SEC62: variants seen among roughly 807,000 people sequenced by gnomAD.
SEC62 encodes SEC62 preprotein translocation factor, also known as translocation protein SEC62.
In SEC62, 10 loss-of-function variants were observed where a neutral mutation model predicts 47.5. That is an observed-to-expected ratio of 0.21 (90% confidence interval 0.13 to 0.36). The LOEUF (loss-of-function observed/expected upper bound fraction) is 0.36, where lower values mean the gene tolerates loss of function less well. SEC62 is among the 10% of genes least tolerant of loss of function. SEC62 has a pLI of 1.00. For synonymous variants in SEC62, 136 were observed against 150.5 expected (o/e 0.90, Z 0.71); for missense variants, 327 against 464.1 (o/e 0.70, Z 2.71).
chr3:169,989,471 A>G (rs1576864673), intron 7 of SEC62, among the ~76,000 whole-genome samples: 1 of 150,310 alleles, frequency 6.7e-6, no homozygotes, highest in African/African-American at 2.5e-5. Context: ...CCAAGAAACA[A>G]TATCTAAGCC....
rs555879575 is a variant in SEC62, at chr3:169,978,046, G to A, written c.251+995G>A. ...CGTAATCCCAGCACTTTGGGAGGCC[G>A]AGGCAGGTGGATCACAAGGTCAGGA... On this transcript the variant is annotated intron_variant, in intron 3 of 7. Transcript: ENST00000337002. Among the ~76,000 whole-genome samples, 32 of 152,266 alleles carry A rather than the reference G, an allele frequency of 2.1e-4. 2 individuals are homozygous for A. The highest frequency in any genetic ancestry group is 7.7e-4 in the African/African-American group (32 of 41,556).
At chr3:169,969,907 A>G (rs1344242776) in intron 1 of SEC62, among the ~76,000 whole-genome samples, 2 of 152,160 alleles carry the variant, frequency 1.3e-5, no homozygotes, top group African/African-American at 4.8e-5. Context: ...ACCCTCCATT[A>G]GTTATTTTTG....
intron 6 of SEC62, among the ~76,000 whole-genome samples, chr3:169,987,889 C>CTTA (rs1715145241): frequency 6.6e-6 from 1 of 152,082 alleles, no homozygotes; most frequent in South Asian, 2.1e-4. Flanking sequence ...TTTTAGCTCC[C>CTTA]TTACTTAGTA....
chr3:169,979,096 C>G (rs778384146), intron 3 of SEC62, among the ~76,000 whole-genome samples: 2 of 152,154 alleles, frequency 1.3e-5, no homozygotes, highest in Non-Finnish European at 2.9e-5. Flanking sequence ...GACCTGAGTA[C>G]AGAGAGTGTC....
intron 5 of SEC62, among the ~76,000 whole-genome samples, chr3:169,984,183 ACTAT>A (rs1715045699): frequency 6.6e-6 from 1 of 152,196 alleles, no homozygotes; most frequent in Admixed American, 6.5e-5. Context: ...CTTGCATGAG[ACTAT>A]CTAGAGTGGG....
intron 1 of SEC62, among the ~76,000 whole-genome samples, chr3:169,970,536 CTTA>C (rs761156748): frequency 9.2e-5 from 14 of 152,158 alleles, no homozygotes; most frequent in South Asian, 6.2e-4. Context: ...CAAACTCTAT[CTTA>C]TTATAGTATT....
chr3:169,996,639 A>G lies in SEC62; in HGVS notation c.*3576A>G, dbSNP rs907202549. On this transcript the variant is annotated 3_prime_UTR_variant, in exon 8 of 8. Transcript: ENST00000337002. ...TGGCCAAGGAGTGTCCTGGCCAGAG[A>G]TCAGAGGATGGTAGGGTGCCTATTC... The G allele has an allele frequency of 6.6e-6, 1 of 152,182 alleles. No homozygotes were observed. Among genetic ancestry groups the G allele is most frequent in the South Asian group, 2.1e-4 (1 of 4,822 alleles). 9.4% of individuals were successfully genotyped at this position (152,182 alleles called of 1,614,324 possible).
intron 1 of SEC62, chr3:169,969,460 T>C: frequency 4.9e-6 from 2 of 411,178 alleles, no homozygotes; most frequent in South Asian, 3.4e-5. Flanking sequence ...TGATTTACAA[T>C]CCTGGTATCA....
chr3:169,971,692 A>G (rs1022300970), intron 1 of SEC62, among the ~76,000 whole-genome samples: 1 of 152,326 alleles, frequency 6.6e-6, no homozygotes, highest in Admixed American at 6.5e-5. Flanking sequence ...TTGTGCATAC[A>G]TATCAGGTTC....
At chr3:169,970,957 T>G (rs1226779745) in intron 1 of SEC62, among the ~76,000 whole-genome samples, 1 of 152,156 alleles carries the variant, frequency 6.6e-6, no homozygotes, top group South Asian at 2.1e-4. Context: ...GGTAAAACTT[T>G]TATACCTTCT....
intron 1 of SEC62, among the ~76,000 whole-genome samples, chr3:169,971,611 A>G (rs1369125472): frequency 6.6e-6 from 1 of 152,214 alleles, no homozygotes; most frequent in South Asian, 2.1e-4. Flanking sequence ...GTGCCTTTAC[A>G]AAGGACAGGG....
rs2108289616 is a variant in SEC62 at position 169,992,674 on chromosome 3, G to A, written c.811G>A (p.Asp271Asn). The A allele has an allele frequency of 6.2e-7, 1 of 1,614,188 alleles. No homozygotes were observed. Among genetic ancestry groups the A allele is most frequent in the Non-Finnish European group, 8.5e-7 (1 of 1,180,030 alleles). The change falls in exon 8 of 8, where the codon GAT becomes AAT. Residue 271 changes from aspartate (D) to asparagine (N), a missense_variant. Asp to Asn is a conservative substitution (Grantham distance 23). Around this residue, in one of 3 missense-constraint regions of SEC62, gnomAD observed 99 missense variants for 194.0 expected, o/e 0.51. Coordinates refer to ENST00000337002, the MANE Select transcript of SEC62 (RefSeq NM_003262.4). The surrounding 1 kb of genome is among the most constrained non-coding windows in gnomAD (Gnocchi z 4.0). ...TTGGTTCTTGCCAAATCTGACTGCTGATGTGGGCTTCATTGACTCCTTCAG... is the reference window on the plus strand; with the variant it reads ...TTGGTTCTTGCCAAATCTGACTGCTAATGTGGGCTTCATTGACTCCTTCAG... ...HFWFLPNLTADVGFIDSFRPL... is the reference protein window; with the variant it reads ...HFWFLPNLTANVGFIDSFRPL...
At chr3:169,985,249 T>C (rs1161121402) in intron 5 of SEC62, 2 of 152,172 alleles carry the variant, frequency 1.3e-5, no homozygotes, top group African/African-American at 2.4e-5. Flanking sequence ...GGAACAATTT[T>C]TTTTTCCCCC....
chr3:169,992,209 T>G lies in SEC62; in HGVS notation c.731-385T>G, dbSNP rs1375170261. ...TACATAAATCAGAAGTGTATATCCA[T>G]GTAAGTGTACACCCAGATGGAAAAA... On this transcript the variant is annotated intron_variant, in intron 7 of 7. Transcript: ENST00000337002. The surrounding 1 kb of genome is among the most constrained non-coding windows in gnomAD (Gnocchi z 4.0). Among the ~76,000 whole-genome samples, 2 of 152,208 alleles carry G rather than the reference T, an allele frequency of 1.3e-5. No homozygotes were observed. The highest frequency in any genetic ancestry group is 2.9e-5 in the Non-Finnish European group (2 of 68,030).
chr3:169,983,065 G>T, intron 4 of SEC62, 96 bp from the exon 5 acceptor site: 2 of 1,452,470 alleles, frequency 1.4e-6, no homozygotes, highest in Middle Eastern at 2.3e-4. Context: ...TTTTATTTCT[G>T]TGTTACAAAT....
At chr3:169,983,116 T>C (rs776331270) in intron 4 of SEC62, 45 bp from the exon 5 acceptor site, 2 of 1,512,064 alleles carry the variant, frequency 1.3e-6, no homozygotes, top group Admixed American at 1.9e-5. Context: ...ATCATATTTC[T>C]TGCTTACTTG....
intron 1 of SEC62, among the ~76,000 whole-genome samples, chr3:169,971,145 A>C (rs938088068): frequency 2.0e-5 from 3 of 151,186 alleles, no homozygotes; most frequent in Non-Finnish European, 4.4e-5. Context: ...ATCATAGCTC[A>C]CTAGAGACTC....
rs758366354 is a variant in SEC62 at position 169,983,194 on chromosome 3, A to G, written c.490A>G (p.Thr164Ala). 3.1e-6 allele frequency: 5 copies of G among 1,612,590 alleles called. No homozygotes were observed. Among genetic ancestry groups the G allele is most frequent in the South Asian group, 1.1e-5 (1 of 90,958 alleles). Residue 164 changes from threonine to alanine, a missense_variant, in exon 5 of 8, where the codon ACT becomes GCT. Thr to Ala is a moderately conservative substitution (Grantham distance 58). Transcript: ENST00000337002. ...ETPGTPKKKE[T>A]KKKFKLEPHD... ...TCCAGGAACTCCTAAAAAGAAGGAA[A>G]CTAAGAAAAAATTCAAACTTGAGCC...
At chr3:169,982,084 G>A (rs1041614626) in intron 3 of SEC62, among the ~76,000 whole-genome samples, 6 of 151,946 alleles carry the variant, frequency 3.9e-5, no homozygotes, top group African/African-American at 1.5e-4. Flanking sequence ...GTGAAACCAG[G>A]AATACATCAT....
Sources: gnomAD v4.1 joint callset for allele counts (sites outside exome capture counted in the v4.1 genomes callset) on GRCh38, gnomAD v4.1.1 for gene constraint, gnomAD v4.1.1 regional missense constraint, Gnocchi (gnomAD v3.1) non-coding constraint, MANE v1.5 for transcripts, NCBI Gene and HGNC (gene_info 2026-07-23, HGNC 2026-07-21) for gene names.